The following EPHB1 variants were observed in gnomAD, a reference collection of about 807,000 sequenced individuals.
EPHB1 encodes the protein EPH receptor B1, also known as ephrin type-B receptor 1.
Under a neutral mutation model 94.4 loss-of-function variants are expected in EPHB1, and 30 were observed. The ratio of observed to expected loss-of-function variants is 0.32; its 90% CI spans 0.24 to 0.43. The LOEUF (loss-of-function observed/expected upper bound fraction) is 0.43, where lower values mean the gene tolerates loss of function less well. Ranked by LOEUF, EPHB1 falls within the 20% of genes least tolerant of loss-of-function variation. EPHB1 has a pLI of 1.00. For synonymous variants in EPHB1, 522 were observed against 489.1 expected, an observed-to-expected ratio of 1.07 and a Z score of -0.89; for missense variants, 1,055 against 1,308.3, an observed-to-expected ratio of 0.81 and a Z score of 2.99.
chr3:135,028,212 G>GCA (rs1936269037), intron 3 of EPHB1, among the ~76,000 whole-genome samples: 1 of 147,272 alleles, frequency 6.8e-6, no homozygotes, highest in Non-Finnish European at 1.5e-5. Context: ...GGTTTTTTGT[G>GCA]TCTCTATTTC....
At chr3:135,169,969 A>G (rs946603706) in intron 9 of EPHB1, among the ~76,000 whole-genome samples, 3 of 152,224 alleles carry the variant, frequency 2.0e-5, no homozygotes, top group African/African-American at 7.2e-5. Flanking sequence ...TGCAGGAGGC[A>G]GAAAGATTGA....
chr3:134,878,522 C>T (rs2037663047), intron 1 of EPHB1, among the ~76,000 whole-genome samples: 1 of 152,214 alleles, frequency 6.6e-6, no homozygotes, highest in African/African-American at 2.4e-5. Flanking sequence ...GTCCTCAGTG[C>T]TGAGGACTGG....
At chr3:135,001,300 T>G (rs1217110542) in intron 3 of EPHB1, among the ~76,000 whole-genome samples, 2 of 152,136 alleles carry the variant, frequency 1.3e-5, no homozygotes, top group African/African-American at 4.8e-5. Flanking sequence ...CTACAAGGCA[T>G]CTGGGAGGTT....
At chr3:135,005,019 C>G (rs1203142816) in intron 3 of EPHB1, among the ~76,000 whole-genome samples, 2 of 152,236 alleles carry the variant, frequency 1.3e-5, no homozygotes, top group Non-Finnish European at 2.9e-5. Flanking sequence ...CGTTCCTTTG[C>G]AGGAGGAGAG....
chr3:134,919,964 A>C (rs2038650059), intron 1 of EPHB1, among the ~76,000 whole-genome samples: 1 of 151,954 alleles, frequency 6.6e-6, no homozygotes, highest in East Asian at 1.9e-4. Flanking sequence ...AAGAAGGAGG[A>C]AGTTCCAGCT....
intron 13 of EPHB1, among the ~76,000 whole-genome samples, chr3:135,241,951 G>C (rs1478391706): frequency 1.3e-5 from 2 of 152,208 alleles, no homozygotes; most frequent in African/African-American, 2.4e-5. Flanking sequence ...ACTCCCCCAG[G>C]ATGCCCTCAA....
chr3:134,885,556 A>G (rs2037846288), intron 1 of EPHB1, among the ~76,000 whole-genome samples: 1 of 152,188 alleles, frequency 6.6e-6, no homozygotes, highest in South Asian at 2.1e-4. Flanking sequence ...CCAAGAGGCA[A>G]CAGTCAGATA....
At chr3:135,048,224 C>CTTTTTTTTT (rs71157318) in intron 3 of EPHB1, among the ~76,000 whole-genome samples, 1 of 109,016 alleles carries the variant, frequency 9.2e-6, no homozygotes, top group African/African-American at 3.5e-5. Flanking sequence ...AAAAAATACT[C>CTTTTTTTTT]TTTTTTTTTT....
intron 1 of EPHB1, among the ~76,000 whole-genome samples, chr3:134,847,817 A>G (rs895617698): frequency 4.6e-5 from 7 of 152,214 alleles, no homozygotes; most frequent in Non-Finnish European, 8.8e-5. Context: ...TTTAAAAATC[A>G]GACCTAAACA....
At chr3:135,222,277 A>G (rs894011824) in intron 12 of EPHB1, among the ~76,000 whole-genome samples, 1 of 152,126 alleles carries the variant, frequency 6.6e-6, no homozygotes, top group Admixed American at 6.5e-5. Context: ...AAAAATGTCC[A>G]TTTGCTCTCA....
At chr3:134,823,106 A>G (rs1337840779) in intron 1 of EPHB1, among the ~76,000 whole-genome samples, 1 of 152,198 alleles carries the variant, frequency 6.6e-6, no homozygotes, top group African/African-American at 2.4e-5. Context: ...CTGGTTTAAA[A>G]GCTCCACTGG....
intron 10 of EPHB1, among the ~76,000 whole-genome samples, chr3:135,180,490 G>A (rs1211159682): frequency 6.6e-6 from 1 of 151,704 alleles, no homozygotes; most frequent in African/African-American, 2.4e-5. Context: ...TCTTTTTTTT[G>A]TTTGTTTTCT....
At chr3:134,924,636 C>T (rs745937973) in intron 1 of EPHB1, among the ~76,000 whole-genome samples, 1 of 152,150 alleles carries the variant, frequency 6.6e-6, no homozygotes, top group Non-Finnish European at 1.5e-5. Flanking sequence ...TAGACTCTCA[C>T]AATAATAGCC....
intron 3 of EPHB1, among the ~76,000 whole-genome samples, chr3:135,004,787 C>T (rs866577896): frequency 7.4e-4 from 113 of 151,922 alleles, no homozygotes; most frequent in African/African-American, 1.7e-3. Flanking sequence ...ACGTAGTTCT[C>T]GAGCCTTGGT....
intron 1 of EPHB1, among the ~76,000 whole-genome samples, chr3:134,826,085 CAAAAAAAAA>C (rs34879749): frequency 9.1e-6 from 1 of 110,440 alleles, no homozygotes; most frequent in African/African-American, 3.0e-5. Flanking sequence ...ACTAAAAATA[CAAAAAAAAA>C]AAAAAAAATC....
At chr3:135,114,715 T>C (rs1939613008) in intron 4 of EPHB1, among the ~76,000 whole-genome samples, 1 of 120,030 alleles carries the variant, frequency 8.3e-6, no homozygotes, top group Admixed American at 9.5e-5. Flanking sequence ...AGAGCAAGAC[T>C]CTGTCTCAGA....
chr3:135,125,207 C>G (rs1940149156), intron 4 of EPHB1, among the ~76,000 whole-genome samples: 1 of 151,586 alleles, frequency 6.6e-6, no homozygotes, highest in South Asian at 2.1e-4. Flanking sequence ...TAACTTATTC[C>G]TCGTTTCCCA....
At position 134,822,310 on chromosome 3, in the gene EPHB1, C is replaced by T. The variant is rs571566943; in HGVS notation, c.58+26621C>T. Among the ~76,000 whole-genome samples the T allele has an allele frequency of 1.7e-4, 26 of 152,296 alleles. No homozygotes were observed. In the East Asian group the frequency reaches 4.8e-3, roughly 28 times the overall value. On this transcript the variant is annotated intron_variant, in intron 1 of 15. Coordinates refer to ENST00000398015, the MANE Select transcript of EPHB1 (RefSeq NM_004441.5). ...GCTGTCCAGGCATGGTCAAACTCCACACACCACTCCCCAGCCTAGGCTTCC... is the reference window on the plus strand; with the variant it reads ...GCTGTCCAGGCATGGTCAAACTCCATACACCACTCCCCAGCCTAGGCTTCC...
At chr3:134,932,029 TTGTG>T (rs56801637) in intron 2 of EPHB1, among the ~76,000 whole-genome samples, 9 of 148,936 alleles carry the variant, frequency 6.0e-5, no homozygotes, top group African/African-American at 1.5e-4. Context: ...GTGTGTGTGT[TTGTG>T]TGTGTGTGTG....
Sources: allele counts gnomAD v4.1 joint callset (sites outside exome capture counted in the v4.1 genomes callset), GRCh38; gene constraint gnomAD v4.1.1; transcripts MANE v1.5; gene names NCBI Gene and HGNC (gene_info 2026-07-23, HGNC 2026-07-21).